The following DCLK2 variants were observed in gnomAD, a reference collection of about 807,000 sequenced individuals.
DCLK2 encodes serine/threonine-protein kinase DCLK2.
DCLK2 carries 31 observed loss-of-function variants against 78.4 expected under a neutral mutation model. That is an observed-to-expected ratio of 0.40 (90% confidence interval 0.30 to 0.53). The LOEUF is 0.53. DCLK2 is among the 20% of genes least tolerant of loss of function. DCLK2 has a pLI of 0.61. For missense variants in DCLK2, 872 were observed against 973.7 expected, an observed-to-expected ratio of 0.90 and a Z score of 1.39; for synonymous variants, 407 against 374.9, an observed-to-expected ratio of 1.09 and a Z score of -0.99.
intron 2 of DCLK2, among the ~76,000 whole-genome samples, chr4:150,116,728 G>A (rs528684020): frequency 6.6e-6 from 1 of 152,334 alleles, no homozygotes; most frequent in East Asian, 1.9e-4. Flanking sequence ...TCAAATGCCA[G>A]ATTGTAGTAG....
At chr4:150,255,021 A>G (rs538826376) in intron 15 of DCLK2, among the ~76,000 whole-genome samples, 27 of 152,278 alleles carry the variant, frequency 1.8e-4, no homozygotes, top group Admixed American at 3.3e-4. Flanking sequence ...GGGCCTGTGG[A>G]GAAGCAGCCA....
chr4:150,245,875 A>G (rs1743271404), intron 12 of DCLK2, among the ~76,000 whole-genome samples: 1 of 152,204 alleles, frequency 6.6e-6, no homozygotes, highest in African/African-American at 2.4e-5. Flanking sequence ...CAGAACTAGA[A>G]ATACCATTTG....
intron 12 of DCLK2, among the ~76,000 whole-genome samples, chr4:150,240,796 T>G (rs1244264624): frequency 6.7e-6 from 1 of 148,708 alleles, no homozygotes; most frequent in African/African-American, 2.5e-5. Flanking sequence ...AAAAAAAAAT[T>G]ACATAAAACA....
At chr4:150,197,296 G>C (rs1560860308) in intron 3 of DCLK2, among the ~76,000 whole-genome samples, 2 of 152,164 alleles carry the variant, frequency 1.3e-5, no homozygotes. Context: ...TCAAGAAGTT[G>C]GAGAGCATAA....
intron 4 of DCLK2, among the ~76,000 whole-genome samples, chr4:150,201,823 A>G (rs138690012): frequency 6.6e-6 from 1 of 152,150 alleles, no homozygotes; most frequent in Non-Finnish European, 1.5e-5. Flanking sequence ...AAGGAAAAAA[A>G]GGAAAATTTA....
At chr4:150,148,631 G>T (rs775962462) in intron 2 of DCLK2, among the ~76,000 whole-genome samples, 1 of 151,868 alleles carries the variant, frequency 6.6e-6, no homozygotes, top group Non-Finnish European at 1.5e-5. Context: ...CAAATTTGAT[G>T]TATATCTAAA....
At chr4:150,231,755 T>C (rs755255456) in intron 8 of DCLK2, among the ~76,000 whole-genome samples, 1 of 152,206 alleles carries the variant, frequency 6.6e-6, no homozygotes, top group Non-Finnish European at 1.5e-5. Flanking sequence ...ATTTCTGAAA[T>C]ACAAGATGTT....
chr4:150,174,060 G>A (rs558296904), intron 2 of DCLK2, among the ~76,000 whole-genome samples: 114 of 152,230 alleles, frequency 7.5e-4, no homozygotes, highest in African/African-American at 2.5e-3. Flanking sequence ...CTCAGACACC[G>A]CACTTTAGTG....
chr4:150,243,941 T>C (rs1222203659), intron 12 of DCLK2, among the ~76,000 whole-genome samples: 1 of 151,666 alleles, frequency 6.6e-6, no homozygotes, highest in African/African-American at 2.4e-5. Context: ...TTTAATTTTT[T>C]TAATTTATTT....
chr4:150,155,093 G>A (rs1735170286), intron 2 of DCLK2, among the ~76,000 whole-genome samples: 1 of 152,182 alleles, frequency 6.6e-6, no homozygotes. Context: ...TTAGCTGGGT[G>A]TGGTGGCATG....
intron 2 of DCLK2, among the ~76,000 whole-genome samples, chr4:150,136,579 A>G (rs1302973803): frequency 6.6e-6 from 1 of 152,266 alleles, no homozygotes. Flanking sequence ...GTGAGCAAGT[A>G]GCAAGTGCTT....
chr4:150,110,452 G>A (rs1731594746), intron 2 of DCLK2, among the ~76,000 whole-genome samples: 1 of 148,196 alleles, frequency 6.7e-6, no homozygotes, highest in Non-Finnish European at 1.5e-5. Flanking sequence ...ACTATGCCAG[G>A]CATTATGTTA....
intron 5 of DCLK2, among the ~76,000 whole-genome samples, chr4:150,206,014 C>G (rs1227106978): frequency 6.6e-6 from 1 of 152,170 alleles, no homozygotes; most frequent in Non-Finnish European, 1.5e-5. Flanking sequence ...AATCCCAGCT[C>G]CCGTCTTCCT....
At position 150,220,766 on chromosome 4, in the gene DCLK2, A is replaced by C. The variant is rs148315360; in HGVS notation, c.1120A>C (p.Ile374Leu). 3.2e-3 allele frequency: 5,192 copies of C among 1,613,534 alleles called. 8 individuals are homozygous for C. The highest frequency in any genetic ancestry group is 4.1e-3 in the Non-Finnish European group (4,837 of 1,179,592). ...VNGGPELDRCISPEGVNGNRC... is the reference protein window; with the variant it reads ...VNGGPELDRCLSPEGVNGNRC... ...CGGTGGACCTGAGCTTGACCGTTGC[A>C]TAAGTCCTGAAGGTAGTTCTCAGTC... Residue 374 changes from isoleucine to leucine, a missense_variant, in exon 6 of 16, where the codon ATA becomes CTA. Physicochemically the swap from Ile to Leu is conservative, Grantham distance 5 (BLOSUM62 2). Transcript: ENST00000296550.
At chr4:150,181,231 C>T (rs1737488571) in intron 2 of DCLK2, among the ~76,000 whole-genome samples, 1 of 152,100 alleles carries the variant, frequency 6.6e-6, no homozygotes, top group African/African-American at 2.4e-5. Flanking sequence ...GGAGTGTCTA[C>T]CGTGATCCTT....
chr4:150,241,613 C>A (rs1344569521), intron 12 of DCLK2, among the ~76,000 whole-genome samples: 1 of 152,124 alleles, frequency 6.6e-6, no homozygotes, highest in Non-Finnish European at 1.5e-5. Context: ...TTGTGGTTTC[C>A]CTTAGTTTAT....
At chr4:150,249,353 G>C (rs757305821) in intron 14 of DCLK2, among the ~76,000 whole-genome samples, 3 of 152,060 alleles carry the variant, frequency 2.0e-5, no homozygotes, top group Non-Finnish European at 4.4e-5. Context: ...GAGGGGCAGA[G>C]GGAATGGTGT....
chr4:150,125,247 C>G (rs73858091), intron 2 of DCLK2, among the ~76,000 whole-genome samples: 1 of 152,222 alleles, frequency 6.6e-6, no homozygotes, highest in East Asian at 1.9e-4. Flanking sequence ...TTATGAATCT[C>G]TGGACATTTT....
At chr4:150,241,298 G>C (rs1241917115) in intron 12 of DCLK2, among the ~76,000 whole-genome samples, 1 of 152,184 alleles carries the variant, frequency 6.6e-6, no homozygotes, top group Non-Finnish European at 1.5e-5. Flanking sequence ...CACTGACAAT[G>C]GTCAGAGTAT....
Sources: gnomAD v4.1 joint callset for allele counts (sites outside exome capture counted in the v4.1 genomes callset) on GRCh38, gnomAD v4.1.1 for gene constraint, MANE v1.5 for transcripts, NCBI Gene and HGNC (gene_info 2026-07-23, HGNC 2026-07-21) for gene names.